Variants in SBK2 observed in about 807,000 individuals in gnomAD.
SBK2 encodes serine/threonine-protein kinase SBK2.
SBK2 carries 18 observed loss-of-function variants against 15.9 expected under a neutral mutation model. The ratio of observed to expected loss-of-function variants is 1.13; its 90% CI spans 0.78 to 1.68. SBK2 has a LOEUF of 1.68. Among genes scored for constraint, SBK2 ranks in the 40% most tolerant of loss-of-function variants. SBK2 has a pLI of 0.00. For synonymous variants in SBK2, 284 were observed against 246.8 expected (o/e 1.15, Z -1.41); for missense variants, 581 against 510.9 (o/e 1.14, Z -1.32).
chr19:55,532,731 G>T (rs758109768), intron 2 of SBK2, among the ~76,000 whole-genome samples: 12 of 151,884 alleles, frequency 7.9e-5, no homozygotes, highest in Non-Finnish European at 1.8e-4. Flanking sequence ...TCCCTGAGTA[G>T]CTGGGACTAC....
chr19:55,531,978 A>T (rs1027068632), intron 2 of SBK2, among the ~76,000 whole-genome samples: 1 of 150,432 alleles, frequency 6.6e-6, no homozygotes, highest in African/African-American at 2.4e-5. Context: ...AAAAAAAATT[A>T]AAAAAATAAT....
chr19:55,530,236 G>T lies in SBK2; in HGVS notation c.544C>A (p.Arg182=). 6.5e-7 allele frequency: 1 copy of T among 1,528,326 alleles called. No individual in the cohort carries two copies. The highest frequency in any genetic ancestry group is 8.8e-7 in the Non-Finnish European group (1 of 1,137,750). The allele number at this position is 1,528,326 out of a possible 1,614,324, so 94.7% of individuals were successfully genotyped here. Residue 182 remains arginine (R), a synonymous_variant, in exon 4 of 4, where the codon CGG becomes AGG. Coordinates refer to ENST00000413299, the MANE Select transcript of SBK2 (RefSeq NM_001370096.2). ...AGGACGTTCTCCGGCTTCAGGTCCCGGTACACCAGGCCGCGGGCGTGGATG... is the reference window on the plus strand; with the variant it reads ...AGGACGTTCTCCGGCTTCAGGTCCCTGTACACCAGGCCGCGGGCGTGGATG... The part of the protein sequence containing the change: ...EYIHARGLVY[R]DLKPENVLVC...
At chr19:55,535,841 TGCACTCCA>T in intron 2 of SBK2, among the ~76,000 whole-genome samples, 193 bp downstream of exon 2, 1 of 152,192 alleles carries the variant, frequency 6.6e-6, no homozygotes, top group Admixed American at 6.5e-5. Context: ...ATTGTGCCAC[TGCACTCCA>T]GCCTGGGCGG....
chr19:55,535,523 C>A (rs1988375929), intron 2 of SBK2, among the ~76,000 whole-genome samples: 1 of 152,216 alleles, frequency 6.6e-6, no homozygotes, highest in African/African-American at 2.4e-5. Context: ...TCATCACCCA[C>A]ATTTTCCAAA....
chr19:55,536,433 T>A, intron 1 of SBK2, 137 bp from the exon 2 acceptor site: 1 of 640,512 alleles, frequency 1.6e-6, no homozygotes, highest in Non-Finnish European at 2.2e-6. Flanking sequence ...AGTCTCCCTC[T>A]TGGTGAGAGG....
In SBK2 at chr19:55,536,122, A is replaced by G. The variant is rs1599945274; in HGVS notation, c.173T>C (p.Val58Ala). Residue 58 changes from valine to alanine, a missense_variant, in exon 2 of 4, where the codon GTG (valine) becomes GCG (alanine). Physicochemically the swap from Val to Ala is moderately conservative, Grantham distance 64 (BLOSUM62 0). Coordinates refer to ENST00000413299, the MANE Select transcript of SBK2 (RefSeq NM_001370096.2). ...LSAQTLVRAE[V>A]DELYEEVRPL... ...ACGCACTTCCTCGTAGAGCTCGTCC[A>G]CCTCGGCTCGGACCAGGGTCTGAGC... The G allele has an allele frequency of 1.9e-6, 3 of 1,557,912 alleles. No individual in the cohort carries two copies. The highest frequency in any genetic ancestry group is 2.6e-6 in the Non-Finnish European group (3 of 1,149,716).
At position 55,536,139 on chromosome 19, in the gene SBK2, GGTCTGAGCACTCAGC is replaced by G; in HGVS notation, c.141_155del (p.Ser49_Leu53del). On this transcript the variant is annotated inframe_deletion, in exon 2 of 4. Transcript: ENST00000413299. ...GCTCGTCCACCTCGGCTCGGACCAGGGTCTGAGCACTCAGCGTCATCATGTCCTCCAGCGCGCGGG... is the reference window on the plus strand; with the variant it reads ...GCTCGTCCACCTCGGCTCGGACCAGGGTCATCATGTCCTCCAGCGCGCGGG... The G allele has an allele frequency of 1.9e-6, 3 of 1,592,184 alleles. No individual in the cohort carries two copies. The highest frequency in any genetic ancestry group is 2.6e-6 in the Non-Finnish European group (3 of 1,169,066).
chr19:55,536,222 C>G lies in SBK2; in HGVS notation c.73G>C (p.Gly25Arg). 1 of 1,606,386 alleles carries G rather than the reference C, an allele frequency of 6.2e-7. No individual in the cohort carries two copies. Among genetic ancestry groups the G allele is most frequent in the Non-Finnish European group, 8.5e-7 (1 of 1,177,068 alleles). ...TGGAGCTCCTCTAATGTCAGGCCGCCCAGACCCTCCTCCTCGCTGTCCTCC... is the reference window on the plus strand; with the variant it reads ...TGGAGCTCCTCTAATGTCAGGCCGCGCAGACCCTCCTCCTCGCTGTCCTCC... ...ASEDSEEEGLGGLTLEELQQG... is the reference protein window; with the variant it reads ...ASEDSEEEGLRGLTLEELQQG... Residue 25 changes from glycine to arginine, a missense_variant, in exon 2 of 4, where the codon GGC becomes CGC. Coordinates refer to ENST00000413299, the MANE Select transcript of SBK2 (RefSeq NM_001370096.2).
intron 2 of SBK2, among the ~76,000 whole-genome samples, chr19:55,532,295 C>CTTTTT (rs540857379): frequency 9.1e-5 from 7 of 77,084 alleles, no homozygotes; most frequent in African/African-American, 2.2e-4. Flanking sequence ...TGATGTCTTC[C>CTTTTT]TTTTTTTTTT....
rs567052244 is a variant in SBK2, at chr19:55,530,053, C to T, written c.727G>A (p.Ala243Thr). The T allele has an allele frequency of 1.2e-5, 17 of 1,466,906 alleles. No individual in the cohort carries two copies. Among genetic ancestry groups the T allele is most frequent in the South Asian group, 8.1e-5 (6 of 73,648 alleles). The allele number at this position is 1,466,906 out of a possible 1,614,324, so 90.9% of individuals were successfully genotyped here. A position where few individuals can be genotyped will look rare whatever the true frequency, so the allele number is the denominator to read the frequency against. Reference protein sequence around the residue: ...PLPEGLPIQPALDAWALGVLL... With the variant: ...PLPEGLPIQPTLDAWALGVLL... Reference sequence around the variant, plus strand: ...ACGCCCAGCGCCCAGGCGTCCAGGGCGGGCTGAATGGGCAGGCCCTCGGGG... The same window carrying T: ...ACGCCCAGCGCCCAGGCGTCCAGGGTGGGCTGAATGGGCAGGCCCTCGGGG... The change falls in exon 4 of 4, where the codon GCC becomes ACC. Residue 243 changes from alanine (A) to threonine (T), a missense_variant. Transcript: ENST00000413299.
Position 55,529,690 on chromosome 19 carries a change from C to G in SBK2, c.*43G>C. ...ACCAAAAGCCGTTGGCCTTGGGGGC[C>G]TCGGGTGGGGCGGCTTCCCTTTCTG... On this transcript the variant is annotated 3_prime_UTR_variant, in exon 4 of 4. Transcript: ENST00000413299. The G allele has an allele frequency of 6.3e-7, 1 of 1,582,688 alleles. No homozygotes were observed. The highest frequency in any genetic ancestry group is 1.1e-5 in the South Asian group (1 of 89,120).
chr19:55,535,220 C>T (rs1183185907), intron 2 of SBK2, among the ~76,000 whole-genome samples: 6 of 151,564 alleles, frequency 4.0e-5, no homozygotes, highest in Admixed American at 1.3e-4. Flanking sequence ...CCTCAGAAGG[C>T]GTGCCCTGAA....
Position 55,529,566 on chromosome 19 carries a change from C to G in SBK2, c.*167G>C, listed in dbSNP as rs1032259145. Among the ~76,000 whole-genome samples, 1 of 150,766 alleles carries G rather than the reference C, an allele frequency of 6.6e-6. No individual in the cohort carries two copies. On this transcript the variant is annotated 3_prime_UTR_variant, in exon 4 of 4. Transcript: ENST00000413299. ...GAGGGACATGCAGAGGTCTGAGGCCCTCATGGACCAAGGGAGGAATGCAGC... is the reference window on the plus strand; with the variant it reads ...GAGGGACATGCAGAGGTCTGAGGCCGTCATGGACCAAGGGAGGAATGCAGC...
chr19:55,530,940 G>A (rs1046028536), intron 3 of SBK2, among the ~76,000 whole-genome samples: 4 of 152,104 alleles, frequency 2.6e-5, no homozygotes, highest in Non-Finnish European at 4.4e-5. Flanking sequence ...ATGGTGTATC[G>A]TGTGAGTTCT....
At chr19:55,530,575 T>G (rs1248992526) in intron 3 of SBK2, among the ~76,000 whole-genome samples, 649 of 15,560 alleles carry the variant, frequency 0.042, 256 homozygotes, top group Middle Eastern at 0.12. Flanking sequence ...GGGTTTAGTG[T>G]GGCTTAGTGT....
chr19:55,530,910 G>C (rs913408649), intron 3 of SBK2, among the ~76,000 whole-genome samples: 1 of 152,152 alleles, frequency 6.6e-6, no homozygotes, highest in Non-Finnish European at 1.5e-5. Context: ...GTGTGACCTG[G>C]GGCTGCCTGG....
At chr19:55,532,788 T>C (rs1169117801) in intron 2 of SBK2, among the ~76,000 whole-genome samples, 2 of 152,004 alleles carry the variant, frequency 1.3e-5, no homozygotes, top group Non-Finnish European at 2.9e-5. Flanking sequence ...CTGATTTTTT[T>C]CCCTGACACC....
Position 55,529,719 on chromosome 19 carries a change from C to G in SBK2, c.*14G>C. 6.3e-7 allele frequency: 1 copy of G among 1,594,280 alleles called. No homozygotes were observed. Among genetic ancestry groups the G allele is most frequent in the South Asian group, 1.1e-5 (1 of 90,548 alleles). On this transcript the variant is annotated 3_prime_UTR_variant, in exon 4 of 4. Coordinates refer to ENST00000413299, the MANE Select transcript of SBK2 (RefSeq NM_001370096.2). ...GGTGGGGCGGCTTCCCTTTCTGCAT[C>G]CCCCGGGGCCTCCTCACTGCCCAGC...
intron 3 of SBK2, 105 bp downstream of exon 3, chr19:55,531,038 G>T: frequency 9.4e-7 from 1 of 1,059,454 alleles, no homozygotes; most frequent in East Asian, 2.5e-5. Flanking sequence ...GGGAGGCCCA[G>T]GGAGGCCCAA....
Sources: allele counts gnomAD v4.1 joint callset (sites outside exome capture counted in the v4.1 genomes callset), GRCh38; gene constraint gnomAD v4.1.1; transcripts MANE v1.5; gene names NCBI Gene and HGNC (gene_info 2026-07-23, HGNC 2026-07-21).